TOP1: variants seen among roughly 807,000 people sequenced by gnomAD.
TOP1 encodes the protein DNA topoisomerase I, also known as DNA topoisomerase 1.
Under a neutral mutation model 111.1 loss-of-function variants are expected in TOP1, and 10 were observed. That is an observed-to-expected ratio of 0.09 (90% CI 0.06 to 0.15). The LOEUF (loss-of-function observed/expected upper bound fraction) is 0.15. Among genes scored for constraint, TOP1 ranks in the 10% least tolerant of loss-of-function variants. The pLI, the probability that TOP1 is intolerant of heterozygous loss-of-function variation, is 1.00. For missense variants in TOP1, 474 were observed against 926.7 expected, an observed-to-expected ratio of 0.51 and a Z score of 6.34; for synonymous variants, 271 against 302.9, an observed-to-expected ratio of 0.89 and a Z score of 1.10.
chr20:41,078,519 G>C lies in TOP1; in HGVS notation c.335+882G>C, dbSNP rs2033754313. Among the ~76,000 whole-genome samples the C allele has an allele frequency of 6.6e-6, 1 of 152,168 alleles. No individual in the cohort carries two copies. Among genetic ancestry groups the C allele is most frequent in the African/African-American group, 2.4e-5 (1 of 41,430 alleles). ...TGGGGTCCTTTAGACAAGGAGAAAA[G>C]CAGGTGCCCTCTTCAGGCATGTTTC... On this transcript the variant is annotated intron_variant, in intron 5 of 20. Transcript: ENST00000361337. This position sits in a 1 kb window ranked among gnomAD's most constrained non-coding sequence, Gnocchi z 5.3.
chr20:41,076,019 T>C (rs1290725459), intron 3 of TOP1, 152 bp from the exon 4 acceptor site: 8 of 644,924 alleles, frequency 1.2e-5, no homozygotes, highest in East Asian at 1.2e-4. Context: ...TAAAGTCCGA[T>C]GTAGCCAAGA....
Position 41,032,858 on chromosome 20 carries a change from T to C in TOP1, c.58+3403T>C, listed in dbSNP as rs966823440. On this transcript the variant is annotated intron_variant, in intron 2 of 20. Coordinates refer to ENST00000361337, the MANE Select transcript of TOP1 (RefSeq NM_003286.4). This position sits in a 1 kb window ranked among gnomAD's most constrained non-coding sequence, Gnocchi z 4.3. ...TGGGGGAATTTCAGATAGCTGATGA[T>C]GTGGCTATCTGAAAATTGCCACTAC... is the stretch of plus-strand genomic sequence containing the variant. Among the ~76,000 whole-genome samples the C allele has an allele frequency of 3.9e-4, 59 of 152,228 alleles. No individual in the cohort carries two copies. Among genetic ancestry groups the C allele is most frequent in the African/African-American group, 1.4e-3 (58 of 41,450 alleles).
rs1446245337 is a variant in TOP1 at position 41,080,323 on chromosome 20, T to G, written c.431+143T>G. 1 of 556,320 alleles carries G rather than the reference T, an allele frequency of 1.8e-6. No homozygotes were observed. The highest frequency in any genetic ancestry group is 3.2e-6 in the Non-Finnish European group (1 of 314,910). 34.5% of individuals were successfully genotyped at this position (556,320 alleles called of 1,614,324 possible). On this transcript the variant is annotated intron_variant, in intron 6 of 20. Coordinates refer to ENST00000361337, the MANE Select transcript of TOP1 (RefSeq NM_003286.4). The surrounding 1 kb of genome is among the most constrained non-coding windows in gnomAD (Gnocchi z 5.0). ...TGGAATTTGTGATTAATGGACTGAT[T>G]TCTCTGAACTATGAGAAGTAGAGTT...
intron 2 of TOP1, among the ~76,000 whole-genome samples, chr20:41,045,751 T>C (rs1046779943): frequency 1.3e-5 from 2 of 152,368 alleles, no homozygotes; most frequent in South Asian, 4.1e-4. Flanking sequence ...AATATCCTAC[T>C]ATAAGTGGTA....
Position 41,029,655 on chromosome 20 carries a change from C to T in TOP1, c.58+200C>T, listed in dbSNP as rs2033092033. 1.5e-6 allele frequency: 1 copy of T among 668,276 alleles called. No homozygotes were observed. Among genetic ancestry groups the T allele is most frequent in the East Asian group, 3.0e-5 (1 of 33,522 alleles). 41.4% of individuals were successfully genotyped at this position (668,276 alleles called of 1,614,324 possible). A position where few individuals can be genotyped will look rare whatever the true frequency, so the allele number is the denominator to read the frequency against. On this transcript the variant is annotated intron_variant, in intron 2 of 20. Transcript: ENST00000361337. The surrounding 1 kb of genome is among the most constrained non-coding windows in gnomAD (Gnocchi z 6.1). ...CCCAGCTCCTCCAGATCCCGGCCCT[C>T]CCAAGAGGGGACAACGGAGACCCCG... is the stretch of plus-strand genomic sequence containing the variant.
chr20:41,064,631 G>A (rs1220427209), intron 3 of TOP1, among the ~76,000 whole-genome samples: 1 of 152,204 alleles, frequency 6.6e-6, no homozygotes, highest in South Asian at 2.1e-4. Context: ...CATGCTGTTG[G>A]TTCTGTAATA....
chr20:41,087,934 T>G (rs2033867461), intron 8 of TOP1, among the ~76,000 whole-genome samples: 1 of 151,986 alleles, frequency 6.6e-6, no homozygotes, highest in Non-Finnish European at 1.5e-5. Context: ...TTTGTTTGTT[T>G]ATTTGTTTTT....
At chr20:41,052,170 C>T (rs1342411618) in intron 2 of TOP1, among the ~76,000 whole-genome samples, 13 of 151,888 alleles carry the variant, frequency 8.6e-5, no homozygotes. Flanking sequence ...TGACTTTTAC[C>T]CAAGGTCATA....
rs1600575585 is a variant in TOP1, at chr20:41,078,235, C to G, written c.335+598C>G. Among the ~76,000 whole-genome samples the G allele has an allele frequency of 6.6e-6, 1 of 152,118 alleles. No homozygotes were observed. The highest frequency in any genetic ancestry group is 1.9e-4 in the East Asian group (1 of 5,192). On this transcript the variant is annotated intron_variant, in intron 5 of 20. Coordinates refer to ENST00000361337, the MANE Select transcript of TOP1 (RefSeq NM_003286.4). The surrounding 1 kb of genome is among the most constrained non-coding windows in gnomAD (Gnocchi z 5.3). ...CAAAATCTAGAGGTTACTTCCTATA[C>G]TGTTTTTACCTTTATAATTTTGTTT...
chr20:41,043,803 G>A (rs2033298240), intron 2 of TOP1, among the ~76,000 whole-genome samples: 1 of 152,206 alleles, frequency 6.6e-6, no homozygotes, highest in Non-Finnish European at 1.5e-5. Context: ...CTTAATGGAA[G>A]CAAAGGAGGA....
rs1233378823 is a variant in TOP1, at chr20:41,083,368, C to T, written c.508-1094C>T. ...TTTAAAATATGGATGGTACTGTAAG[C>T]TTTCCTCTTTTTTCTATTCCTATCT... is the stretch of plus-strand genomic sequence containing the variant. On this transcript the variant is annotated intron_variant, in intron 7 of 20. Coordinates refer to ENST00000361337, the MANE Select transcript of TOP1 (RefSeq NM_003286.4). This position sits in a 1 kb window ranked among gnomAD's most constrained non-coding sequence, Gnocchi z 7.2. Among the ~76,000 whole-genome samples, 2 of 152,116 alleles carry T rather than the reference C, an allele frequency of 1.3e-5. No individual in the cohort carries two copies. The highest frequency in any genetic ancestry group is 4.8e-5 in the African/African-American group (2 of 41,422).
chr20:41,034,831 A>G lies in TOP1; in HGVS notation c.58+5376A>G, dbSNP rs943936805. ...TTTATGTCTCTTAACGTTTAGTAAGAAAGAAATTCCAAGGAAGGTAGGCAA... is the reference window on the plus strand; with the variant it reads ...TTTATGTCTCTTAACGTTTAGTAAGGAAGAAATTCCAAGGAAGGTAGGCAA... On this transcript the variant is annotated intron_variant, in intron 2 of 20. Coordinates refer to ENST00000361337, the MANE Select transcript of TOP1 (RefSeq NM_003286.4). This position sits in a 1 kb window ranked among gnomAD's most constrained non-coding sequence, Gnocchi z 4.0. 6.6e-6 allele frequency among the ~76,000 whole-genome samples: 1 copy of G among 152,162 alleles called. No homozygotes were observed. Among genetic ancestry groups the G allele is most frequent in the African/African-American group, 2.4e-5 (1 of 41,416 alleles).
intron 3 of TOP1, among the ~76,000 whole-genome samples, chr20:41,070,259 G>A (rs897050702): frequency 6.6e-6 from 1 of 152,212 alleles, no homozygotes; most frequent in African/African-American, 2.4e-5. Context: ...AGGAATGGGA[G>A]TTAGAATGGG....
chr20:41,116,442 G>T lies in TOP1; in HGVS notation c.1822+50G>T. 6.9e-7 allele frequency: 1 copy of T among 1,445,288 alleles called. No individual in the cohort carries two copies. Among genetic ancestry groups the T allele is most frequent in the South Asian group, 1.2e-5 (1 of 86,944 alleles). 89.5% of individuals were successfully genotyped at this position (1,445,288 alleles called of 1,614,324 possible). A position where few individuals can be genotyped will look rare whatever the true frequency, so the allele number is the denominator to read the frequency against. ...GCCCACACCCCTACTAATGGTATCCGGTGACCTTGCTTATCTAAGGCCTAG... is the reference window on the plus strand; with the variant it reads ...GCCCACACCCCTACTAATGGTATCCTGTGACCTTGCTTATCTAAGGCCTAG... On this transcript the variant is annotated intron_variant, in intron 17 of 20. Coordinates refer to ENST00000361337, the MANE Select transcript of TOP1 (RefSeq NM_003286.4). This position sits in a 1 kb window ranked among gnomAD's most constrained non-coding sequence, Gnocchi z 5.6.
intron 18 of TOP1, among the ~76,000 whole-genome samples, chr20:41,119,333 A>G (rs1430168441): frequency 6.6e-6 from 1 of 152,236 alleles, no homozygotes; most frequent in Non-Finnish European, 1.5e-5. Context: ...TTCAGCTAGA[A>G]GCTGGGTGCA....
chr20:41,069,503 G>C lies in TOP1; in HGVS notation c.156-6668G>C, dbSNP rs2033645977. 6.6e-6 allele frequency among the ~76,000 whole-genome samples: 1 copy of C among 152,184 alleles called. No homozygotes were observed. The highest frequency in any genetic ancestry group is 2.4e-5 in the African/African-American group (1 of 41,436). ...TAAGCTACGTGTCGTGATCCAAGGT[G>C]CTTAACTTCTCTGGGTCTCATTTTC... On this transcript the variant is annotated intron_variant, in intron 3 of 20. Transcript: ENST00000361337. This position sits in a 1 kb window ranked among gnomAD's most constrained non-coding sequence, Gnocchi z 4.1.
At chr20:41,039,704 C>T (rs1256923287) in intron 2 of TOP1, among the ~76,000 whole-genome samples, 3 of 151,998 alleles carry the variant, frequency 2.0e-5, no homozygotes, top group East Asian at 1.9e-4. Context: ...GTCAGGAGAT[C>T]GAGACCATCC....
rs557366142 is a variant in TOP1, at chr20:41,086,029, G to A, written c.614+1461G>A. Among the ~76,000 whole-genome samples, 14 of 152,272 alleles carry A rather than the reference G, an allele frequency of 9.2e-5. No homozygotes were observed. In the East Asian group the frequency reaches 2.3e-3, roughly 25 times the overall value. On this transcript the variant is annotated intron_variant, in intron 8 of 20. Transcript: ENST00000361337. The stretch of plus-strand genomic sequence containing the variant: ...TGTAATCCCAGCACTTTGGGAGGCC[G>A]AGGCTGGTGGATCACCTGAGGTCAG...
intron 17 of TOP1, among the ~76,000 whole-genome samples, chr20:41,117,540 T>C (rs1188326750): frequency 6.6e-6 from 1 of 151,544 alleles, no homozygotes; most frequent in Non-Finnish European, 1.5e-5. Flanking sequence ...GTGCCCGCCA[T>C]GTCGCCCGGC....
Sources: gnomAD v4.1 joint callset for allele counts (sites outside exome capture counted in the v4.1 genomes callset) on GRCh38, gnomAD v4.1.1 for gene constraint, Gnocchi (gnomAD v3.1) non-coding constraint, MANE v1.5 for transcripts, NCBI Gene and HGNC (gene_info 2026-07-23, HGNC 2026-07-21) for gene names.